The following PLEKHH2 variants were observed in gnomAD, a reference collection of about 807,000 sequenced individuals.
PLEKHH2 encodes pleckstrin homology domain-containing family H member 2.
A neutral mutation model predicts 187.9 loss-of-function variants in PLEKHH2; 129 were observed. That is an observed-to-expected ratio of 0.69 (90% CI 0.59 to 0.79). PLEKHH2 has a LOEUF of 0.79. Among genes scored for constraint, PLEKHH2 ranks in the 30% least tolerant of loss-of-function variants. The pLI, the probability that PLEKHH2 is intolerant of heterozygous loss-of-function variation, is 0.00. For missense variants in PLEKHH2, 2,076 were observed against 1,751.2 expected (o/e 1.19, Z -3.31); for synonymous variants, 686 against 605.6 (o/e 1.13, Z -1.95).
chr2:43,660,335 G>A lies in PLEKHH2; in HGVS notation c.123+15539G>A, dbSNP rs566772530. Among the ~76,000 whole-genome samples, 3 of 151,448 alleles carry A rather than the reference G, an allele frequency of 2.0e-5. No individual in the cohort carries two copies. In the South Asian group the frequency reaches 6.2e-4, roughly 31 times the overall value. On this transcript the variant is annotated intron_variant, in intron 2 of 29. Transcript: ENST00000282406. ...TTTGGCAATTACGAATACAGCTGCT[G>A]TAAACATTCACATACAGGTGTTTGG...
intron 16 of PLEKHH2, among the ~76,000 whole-genome samples, chr2:43,723,841 C>T (rs1280135570): frequency 2.0e-5 from 3 of 152,146 alleles, no homozygotes; most frequent in South Asian, 2.1e-4. Flanking sequence ...AGGCACACGC[C>T]GACTGCTGAT....
rs773878858 is a variant in PLEKHH2, at chr2:43,700,115, T to A, written c.1157T>A (p.Leu386Gln). 2.5e-6 allele frequency: 4 copies of A among 1,613,998 alleles called. No homozygotes were observed. In the African/African-American group the frequency reaches 5.3e-5, roughly 22 times the overall value. Residue 386 changes from leucine to glutamine, a missense_variant, in exon 8 of 30, where the codon CTG (leucine) becomes CAG (glutamine). By Grantham distance (113) the Leu-to-Gln change is moderately radical (BLOSUM62 -2). Transcript: ENST00000282406. Reference sequence around the variant, plus strand: ...GAACAAGATAGTTCCTCGGATGAACTGAATAAAAAATTTCAATCCCAGAGA... The same window carrying A: ...GAACAAGATAGTTCCTCGGATGAACAGAATAAAAAATTTCAATCCCAGAGA... The part of the protein sequence containing the change: ...KKEQDSSSDE[L>Q]NKKFQSQRLD...
chr2:43,677,370 G>A (rs1667869699), intron 2 of PLEKHH2, among the ~76,000 whole-genome samples: 1 of 152,114 alleles, frequency 6.6e-6, no homozygotes, highest in South Asian at 2.1e-4. Context: ...TGTGTCCCTA[G>A]GTACTTGAGA....
intron 3 of PLEKHH2, among the ~76,000 whole-genome samples, chr2:43,683,142 C>CTTTTTTTT (rs34805310): frequency 5.3e-5 from 5 of 94,574 alleles, no homozygotes; most frequent in Admixed American, 1.3e-4. Flanking sequence ...TTTATATACC[C>CTTTTTTTT]TTTTTTTTTT....
chr2:43,648,197 T>G (rs1473686692), intron 2 of PLEKHH2, among the ~76,000 whole-genome samples: 1 of 152,080 alleles, frequency 6.6e-6, no homozygotes, highest in East Asian at 1.9e-4. Flanking sequence ...TGTTTGTTTG[T>G]TTGTTTTTTG....
At chr2:43,729,298 G>T (rs1315313026) in intron 17 of PLEKHH2, among the ~76,000 whole-genome samples, 2 of 152,118 alleles carry the variant, frequency 1.3e-5, no homozygotes, top group Non-Finnish European at 2.9e-5. Context: ...ATCACTCTGG[G>T]AGCCAGATTT....
intron 24 of PLEKHH2, among the ~76,000 whole-genome samples, chr2:43,749,555 AGAT>A (rs1402274895): frequency 6.6e-6 from 1 of 152,250 alleles, no homozygotes; most frequent in Non-Finnish European, 1.5e-5. Context: ...TGTGAATAAC[AGAT>A]GATGATTACC....
intron 2 of PLEKHH2, among the ~76,000 whole-genome samples, chr2:43,651,518 T>C (rs1666470688): frequency 6.6e-6 from 1 of 152,208 alleles, no homozygotes; most frequent in Admixed American, 6.5e-5. Context: ...GCTGAACAAA[T>C]AGCAAAGGAC....
chr2:43,732,729 C>A (rs1671100948), intron 19 of PLEKHH2, among the ~76,000 whole-genome samples: 1 of 152,138 alleles, frequency 6.6e-6, no homozygotes, highest in Non-Finnish European at 1.5e-5. Flanking sequence ...CCTGGCTTTT[C>A]TTCCTTCCTT....
rs143472978 is a variant in PLEKHH2, at chr2:43,746,236, G to T, written c.3653+273G>T. On this transcript the variant is annotated intron_variant, in intron 24 of 29. Transcript: ENST00000282406. ...CACTAGGTCTCAGCTGAGCACGGTGGCTCACGCCTATAATCCCAGCACTTT... is the reference window on the plus strand; with the variant it reads ...CACTAGGTCTCAGCTGAGCACGGTGTCTCACGCCTATAATCCCAGCACTTT... Among the ~76,000 whole-genome samples the T allele has an allele frequency of 1.9e-3, 288 of 152,316 alleles. 4 individuals are homozygous for T. The highest frequency in any genetic ancestry group is 0.015 in the Admixed American group (223 of 15,304).
chr2:43,730,138 A>T (rs1218271302), intron 18 of PLEKHH2, among the ~76,000 whole-genome samples: 1 of 152,182 alleles, frequency 6.6e-6, no homozygotes, highest in Non-Finnish European at 1.5e-5. Flanking sequence ...GCGTTTTGTC[A>T]CTTAATTCTT....
rs768115984 is a variant in PLEKHH2 at position 43,700,227 on chromosome 2, C to G, written c.1269C>G (p.Leu423=). 5.6e-6 allele frequency: 9 copies of G among 1,614,182 alleles called. No individual in the cohort carries two copies. The Admixed American group carries it at 1.2e-4, about 21-fold the overall frequency. Residue 423 remains leucine, a synonymous_variant, in exon 8 of 30, where the codon CTC becomes CTG. Coordinates refer to ENST00000282406, the MANE Select transcript of PLEKHH2 (RefSeq NM_172069.4). ...TAATGCCAAAGCATCCTAACTCACT[C>G]TCTGGAAAAGGAACACAATTAGTGC... The part of the protein sequence containing the change: ...PALMPKHPNS[L]SGKGTQLVPS...
chr2:43,688,040 G>A (rs767733267), intron 3 of PLEKHH2, among the ~76,000 whole-genome samples: 11 of 152,084 alleles, frequency 7.2e-5, no homozygotes, highest in Non-Finnish European at 1.5e-4. Flanking sequence ...GGCTCAAGCT[G>A]TCCTCCCTCC....
At chr2:43,701,480 TC>T (rs1669360085) in intron 8 of PLEKHH2, among the ~76,000 whole-genome samples, 1 of 152,092 alleles carries the variant, frequency 6.6e-6, no homozygotes, top group Non-Finnish European at 1.5e-5. Flanking sequence ...AAAGAAGGGT[TC>T]CCCCTAACTG....
At chr2:43,740,878 G>T in intron 20 of PLEKHH2, 68 bp from the exon 21 acceptor site, 3 of 1,580,902 alleles carry the variant, frequency 1.9e-6, no homozygotes, top group Non-Finnish European at 2.6e-6. Flanking sequence ...TCAGCCCATT[G>T]CACTCACTCA....
chr2:43,742,684 A>T (rs929488245), intron 21 of PLEKHH2, 57 bp from the exon 22 acceptor site: 32 of 1,301,950 alleles, frequency 2.5e-5, no homozygotes, highest in Non-Finnish European at 3.0e-5. Context: ...ATGGTTGCAC[A>T]TATTAGGTTG....
chr2:43,671,460 C>G (rs1558452692), intron 2 of PLEKHH2, among the ~76,000 whole-genome samples: 1 of 152,048 alleles, frequency 6.6e-6, no homozygotes, highest in Non-Finnish European at 1.5e-5. Context: ...AGTATATATG[C>G]TTTTTATTTT....
At chr2:43,681,919 G>A (rs568744649) in intron 3 of PLEKHH2, among the ~76,000 whole-genome samples, 1 of 152,210 alleles carries the variant, frequency 6.6e-6, no homozygotes, top group Non-Finnish European at 1.5e-5. Context: ...TTTTAATTAT[G>A]CTTGAAAAGG....
At chr2:43,755,253 C>T (rs1287356853) in intron 25 of PLEKHH2, among the ~76,000 whole-genome samples, 2 of 152,130 alleles carry the variant, frequency 1.3e-5, no homozygotes, top group African/African-American at 2.4e-5. Context: ...GATACTGCCT[C>T]CACCCGGTCC....
Sources: allele counts gnomAD v4.1 joint callset (sites outside exome capture counted in the v4.1 genomes callset), GRCh38; gene constraint gnomAD v4.1.1; transcripts MANE v1.5; gene names NCBI Gene and HGNC (gene_info 2026-07-23, HGNC 2026-07-21).